Variants in DOCK9 observed in about 807,000 individuals in gnomAD.
The protein encoded by DOCK9 is dedicator of cytokinesis protein 9.
DOCK9 carries 89 observed loss-of-function variants against 263.3 expected under a neutral mutation model. The observed-to-expected ratio is 0.34, with a 90% CI of 0.28 to 0.40. The LOEUF (loss-of-function observed/expected upper bound fraction) is 0.40. Among genes scored for constraint, DOCK9 ranks in the 10% least tolerant of loss-of-function variants. DOCK9 has a pLI of 1.00. For synonymous variants in DOCK9, 976 were observed against 973.1 expected, an observed-to-expected ratio of 1.00 and a Z score of -0.06; for missense variants, 2,140 against 2,603.4, an observed-to-expected ratio of 0.82 and a Z score of 3.87.
chr13:98,866,395 G>C (rs773923514), intron 30 of DOCK9, among the ~76,000 whole-genome samples: 1 of 152,186 alleles, frequency 6.6e-6, no homozygotes, highest in African/African-American at 2.4e-5. Flanking sequence ...GGCAGTACCA[G>C]TCTGTTTGGG....
At chr13:98,831,324 A>T (rs2092754343) in intron 41 of DOCK9, 24 bp downstream of exon 41, 2 of 1,587,080 alleles carry the variant, frequency 1.3e-6, no homozygotes, top group Non-Finnish European at 1.7e-6. Flanking sequence ...GTAAATCTGT[A>T]TTGGAAAGCT....
At chr13:98,881,290 C>T (rs2044712498) in intron 25 of DOCK9, among the ~76,000 whole-genome samples, 2 of 151,894 alleles carry the variant, frequency 1.3e-5, no homozygotes, top group South Asian at 4.1e-4. Context: ...ACTTAAAATT[C>T]TTCTTTAAAC....
At chr13:98,982,344 A>G (rs1877407053), upstream of DOCK9, among the ~76,000 whole-genome samples, 1 of 152,192 alleles carries the variant, frequency 6.6e-6, no homozygotes. Flanking sequence ...TAGTGGAAGG[A>G]GTGACTCTCT....
intron 1 of DOCK9, among the ~76,000 whole-genome samples, chr13:99,039,103 A>G (rs77786165): frequency 0.016 from 2,401 of 152,356 alleles, 65 homozygotes; most frequent in African/African-American, 0.054. Flanking sequence ...AAGCTGTCAG[A>G]AAACATCTTT....
In DOCK9 at chr13:98,829,275, A is replaced by G; in HGVS notation, c.4965+32T>C. 6.3e-7 allele frequency: 1 copy of G among 1,577,254 alleles called. No homozygotes were observed. Among genetic ancestry groups the G allele is most frequent in the African/African-American group, 1.3e-5 (1 of 74,162 alleles). ...AATGGGGCCTCACTGGTTTTTTCAA[A>G]AACCCATTCAAGCGGCTGGCAGGGC... On this transcript the variant is annotated intron_variant, in intron 43 of 52. Transcript: ENST00000682017. The surrounding 1 kb of genome is among the most constrained non-coding windows in gnomAD (Gnocchi z 4.1).
At position 98,794,583 on chromosome 13, in the gene DOCK9, C is replaced by T. The variant is rs2089095869; in HGVS notation, c.*43G>A. 1.3e-6 allele frequency: 2 copies of T among 1,548,216 alleles called. No individual in the cohort carries two copies. The highest frequency in any genetic ancestry group is 1.7e-6 in the Non-Finnish European group (2 of 1,144,506). The stretch of plus-strand genomic sequence containing the variant: ...GGCTTTGGAAAGCATCCTGAGTTTG[C>T]AAATGACAAAGCAAGTCCCCACACA... On this transcript the variant is annotated 3_prime_UTR_variant, in exon 53 of 53. Coordinates refer to ENST00000682017, the MANE Select transcript of DOCK9 (RefSeq NM_001366683.2).
At chr13:98,914,551 A>C (rs748665000) in intron 8 of DOCK9, among the ~76,000 whole-genome samples, 156 bp from the exon 9 acceptor site, 1 of 152,162 alleles carries the variant, frequency 6.6e-6, no homozygotes, top group Non-Finnish European at 1.5e-5. Context: ...GCTTTGAAAA[A>C]ATACTGATCC....
chr13:98,894,084 CA>C (rs2047025830), intron 15 of DOCK9, among the ~76,000 whole-genome samples: 1 of 152,142 alleles, frequency 6.6e-6, no homozygotes, highest in African/African-American at 2.4e-5. Context: ...CCATCACTTT[CA>C]AATTAGTGAC....
At chr13:99,073,348 C>T (rs2041768602) in intron 1 of DOCK9, among the ~76,000 whole-genome samples, 1 of 128,066 alleles carries the variant, frequency 7.8e-6, no homozygotes, top group Non-Finnish European at 1.7e-5. Context: ...TCTCTCCTCT[C>T]TTCTTCTTCT....
intron 45 of DOCK9, among the ~76,000 whole-genome samples, chr13:98,815,011 T>G (rs1349838622): frequency 2.0e-5 from 3 of 151,058 alleles, no homozygotes; most frequent in African/African-American, 7.3e-5. Context: ...TAATTTTTAC[T>G]AGGCTATATA....
At chr13:98,837,426 C>T in intron 39 of DOCK9, 68 bp downstream of exon 39, 6 of 1,126,494 alleles carry the variant, frequency 5.3e-6, no homozygotes, top group East Asian at 2.5e-5. Context: ...TTTGTGCTCA[C>T]TGAGCTTACC....
intron 52 of DOCK9, among the ~76,000 whole-genome samples, chr13:98,795,448 C>T (rs2089258504): frequency 6.6e-6 from 1 of 152,186 alleles, no homozygotes; most frequent in Non-Finnish European, 1.5e-5. Flanking sequence ...CCGCCACGGC[C>T]CTTCAGGGGT....
At chr13:98,895,498 C>G (rs556767044) in intron 15 of DOCK9, among the ~76,000 whole-genome samples, 43 of 152,126 alleles carry the variant, frequency 2.8e-4, no homozygotes, top group African/African-American at 9.9e-4. Flanking sequence ...AACCCCATCT[C>G]TACTAAAAAT....
At chr13:98,949,393 T>C (rs1367697768) in intron 2 of DOCK9, among the ~76,000 whole-genome samples, 2 of 152,148 alleles carry the variant, frequency 1.3e-5, no homozygotes, top group Non-Finnish European at 2.9e-5. Context: ...CAGAGCCTTG[T>C]ACATAGCTTG....
chr13:99,049,480 C>G (rs1238979495), intron 1 of DOCK9, among the ~76,000 whole-genome samples: 5 of 152,146 alleles, frequency 3.3e-5, no homozygotes, highest in African/African-American at 7.2e-5. Flanking sequence ...AAAGACAAAT[C>G]TGGACTGAGG....
At chr13:99,082,916 G>C (rs1421813117) in intron 1 of DOCK9, among the ~76,000 whole-genome samples, 1 of 152,160 alleles carries the variant, frequency 6.6e-6, no homozygotes, top group Non-Finnish European at 1.5e-5. Flanking sequence ...AAACCTCTAA[G>C]ATTAAAACCC....
At chr13:98,944,827 C>T (rs543389248) in intron 2 of DOCK9, among the ~76,000 whole-genome samples, 2 of 152,350 alleles carry the variant, frequency 1.3e-5, no homozygotes, top group South Asian at 4.1e-4. Flanking sequence ...TTTAGAAAGG[C>T]TGGCACAAAT....
intron 1 of DOCK9, among the ~76,000 whole-genome samples, chr13:99,072,467 T>G (rs2041723128): frequency 6.6e-6 from 1 of 152,204 alleles, no homozygotes. Flanking sequence ...TGCAAGGTAC[T>G]TCCTGACTTC....
At chr13:98,794,785 C>A in intron 52 of DOCK9, 37 bp from the exon 53 acceptor site, 2 of 1,610,278 alleles carry the variant, frequency 1.2e-6, no homozygotes, top group Non-Finnish European at 1.7e-6. Flanking sequence ...GAGGGCAACA[C>A]AAGGTTACCA....
Sources: allele counts gnomAD v4.1 joint callset (sites outside exome capture counted in the v4.1 genomes callset), GRCh38; gene constraint gnomAD v4.1.1; non-coding constraint Gnocchi (gnomAD v3.1); transcripts MANE v1.5; gene names NCBI Gene and HGNC (gene_info 2026-07-23, HGNC 2026-07-21).